RHBDL2: variants seen among roughly 807,000 people sequenced by gnomAD.
RHBDL2 encodes the protein rhomboid-related protein 2.
Under a neutral mutation model 31.7 loss-of-function variants are expected in RHBDL2, and 26 were observed. That is an observed-to-expected ratio of 0.82 (90% CI 0.60 to 1.14). RHBDL2 has a LOEUF of 1.14. RHBDL2 is among the 50% of genes most tolerant of loss of function. The pLI is 0.00. For missense variants in RHBDL2, 336 were observed against 364.4 expected, an observed-to-expected ratio of 0.92 and a Z score of 0.63; for synonymous variants, 123 against 127.2, an observed-to-expected ratio of 0.97 and a Z score of 0.22.
At chr1:38,940,030 A>G (rs1396756580) in intron 1 of RHBDL2, among the ~76,000 whole-genome samples, 1 of 152,146 alleles carries the variant, frequency 6.6e-6, no homozygotes, top group African/African-American at 2.4e-5. Context: ...AGCAAAAAGC[A>G]TGGAGTTTAG....
At chr1:38,934,974 T>C (rs1643479432) in intron 1 of RHBDL2, among the ~76,000 whole-genome samples, 1 of 151,722 alleles carries the variant, frequency 6.6e-6, no homozygotes. Flanking sequence ...AAAAAAAATT[T>C]TTTTAAAGAA....
At chr1:38,932,541 G>T (rs1228533127) in intron 1 of RHBDL2, among the ~76,000 whole-genome samples, 6 of 152,116 alleles carry the variant, frequency 3.9e-5, no homozygotes, top group Non-Finnish European at 7.4e-5. Flanking sequence ...CTCACTGTAA[G>T]CTCCACCTCC....
intron 1 of RHBDL2, among the ~76,000 whole-genome samples, chr1:38,928,697 C>G (rs1179212605): frequency 6.6e-6 from 1 of 152,250 alleles, no homozygotes; most frequent in African/African-American, 2.4e-5. Context: ...CCACCCGCCT[C>G]GGCATCCCAA....
At chr1:38,897,428 C>T (rs1350697164) in intron 4 of RHBDL2, among the ~76,000 whole-genome samples, 1 of 152,110 alleles carries the variant, frequency 6.6e-6, no homozygotes, top group African/African-American at 2.4e-5. Context: ...TAAGATTGGC[C>T]AGACACTGTG....
intron 1 of RHBDL2, among the ~76,000 whole-genome samples, chr1:38,928,173 G>A (rs1187585375): frequency 7.6e-6 from 1 of 131,730 alleles, no homozygotes; most frequent in Non-Finnish European, 1.5e-5. Context: ...ACGGAGTCTC[G>A]CTTTGTCGCC....
rs1050201367 is a variant in RHBDL2, at chr1:38,924,141, C to A, written c.-125-4804G>T. 2.0e-5 allele frequency among the ~76,000 whole-genome samples: 3 copies of A among 151,988 alleles called. No individual in the cohort carries two copies. The South Asian group carries it at 6.2e-4, about 32-fold the overall frequency. Reference sequence around the variant, plus strand: ...TATTATTATTTTGAAATGGTGGCCTCCCCATGTTGTCCAGGCTAGTCTCAA... The same window carrying A: ...TATTATTATTTTGAAATGGTGGCCTACCCATGTTGTCCAGGCTAGTCTCAA... On this transcript the variant is annotated intron_variant, in intron 1 of 7. Coordinates refer to ENST00000372990, the MANE Select transcript of RHBDL2 (RefSeq NM_017821.5).
Position 38,886,661 on chromosome 1 carries a change from G to T in RHBDL2, c.755C>A (p.Ala252Glu). 6.4e-7 allele frequency: 1 copy of T among 1,561,458 alleles called. No individual in the cohort carries two copies. Among genetic ancestry groups the T allele is most frequent in the South Asian group, 1.2e-5 (1 of 83,288 alleles). Residue 252 changes from alanine (A) to glutamate (E), a missense_variant, in exon 8 of 8, where the codon GCA becomes GAA. Coordinates refer to ENST00000372990, the MANE Select transcript of RHBDL2 (RefSeq NM_017821.5). ...AATGGACATTCCAGCAAATCCACCT[G>T]CAATGTGAGCTGCAAAAGACACCTT... ...GSPVSFAAHI[A>E]GGFAGMSIGY...
intron 6 of RHBDL2, among the ~76,000 whole-genome samples, chr1:38,889,500 C>A (rs180753585): frequency 6.6e-6 from 1 of 152,100 alleles, no homozygotes; most frequent in Non-Finnish European, 1.5e-5. Flanking sequence ...TTGTAGCAAT[C>A]GAAGTGAAGA....
At position 38,915,687 on chromosome 1, in the gene RHBDL2, A is replaced by G; in HGVS notation, c.270T>C (p.Ala90=). 1 of 1,614,124 alleles carries G rather than the reference A, an allele frequency of 6.2e-7. No individual in the cohort carries two copies. The change falls in exon 3 of 8, where the codon GCT becomes GCC. Residue 90 remains alanine, a synonymous_variant. Transcript: ENST00000372990. ...LAELAVFIYY[A]VWKPQKQWIT... is the part of the protein sequence containing the mutation. ...TCCACTGTTTCTGAGGCTTCCACAC[A>G]GCATAGTAAATAAACACTGCCAGCT...
At chr1:38,912,910 A>ATATATCTATATGTGTGTGTGTG (rs1399583863) in intron 3 of RHBDL2, among the ~76,000 whole-genome samples, 1 of 41,392 alleles carries the variant, frequency 2.4e-5, no homozygotes, top group African/African-American at 9.2e-5. Flanking sequence ...ATATATATAT[A>ATATATCTATATGTGTGTGTGTG]TGTGTGTGTG....
At chr1:38,939,658 A>C (rs1432280439) in intron 1 of RHBDL2, among the ~76,000 whole-genome samples, 1 of 152,060 alleles carries the variant, frequency 6.6e-6, no homozygotes, top group Admixed American at 6.6e-5. Flanking sequence ...ACCTCAAAAA[A>C]AAAACCAAGT....
At chr1:38,921,911 A>G (rs1290076914) in intron 1 of RHBDL2, among the ~76,000 whole-genome samples, 1 of 152,260 alleles carries the variant, frequency 6.6e-6, no homozygotes, top group Non-Finnish European at 1.5e-5. Context: ...TTCACATTGT[A>G]TAAATCAGCC....
In RHBDL2 at chr1:38,919,063, T is replaced by C; in HGVS notation, c.150A>G (p.Ser50=). Residue 50 remains serine (S), a synonymous_variant, in exon 2 of 8, where the codon TCA becomes TCG. Coordinates refer to ENST00000372990, the MANE Select transcript of RHBDL2 (RefSeq NM_017821.5). ...GGGACTTTTCGGGCAGCATCCATTT[T>C]GAGACAATCCTGTGGACCTTTTTAC... The part of the protein sequence containing the change: ...AKSKKVHRIV[S]KWMLPEKSRG... The C allele has an allele frequency of 6.2e-7, 1 of 1,614,198 alleles. No homozygotes were observed. The highest frequency in any genetic ancestry group is 1.1e-5 in the South Asian group (1 of 91,084).
intron 4 of RHBDL2, among the ~76,000 whole-genome samples, chr1:38,903,479 A>G (rs1643021603): frequency 6.6e-6 from 1 of 152,168 alleles, no homozygotes; most frequent in Non-Finnish European, 1.5e-5. Flanking sequence ...TTTCTAATAC[A>G]TCAAAAATAT....
chr1:38,889,234 C>T (rs576803409), intron 6 of RHBDL2, among the ~76,000 whole-genome samples: 5 of 152,230 alleles, frequency 3.3e-5, no homozygotes, highest in African/African-American at 1.2e-4. Flanking sequence ...GCTGGGATTA[C>T]AGACATGTGC....
At chr1:38,916,254 T>C (rs1203275698) in intron 2 of RHBDL2, among the ~76,000 whole-genome samples, 4 of 152,150 alleles carry the variant, frequency 2.6e-5, no homozygotes, top group Non-Finnish European at 5.9e-5. Context: ...TTCACCTCCG[T>C]GGTATTCTTC....
At chr1:38,927,604 C>T (rs1643392631) in intron 1 of RHBDL2, among the ~76,000 whole-genome samples, 1 of 152,146 alleles carries the variant, frequency 6.6e-6, no homozygotes, top group Non-Finnish European at 1.5e-5. Context: ...GTGTTTGACA[C>T]TATAAAGACC....
chr1:38,902,753 A>C (rs571086858), intron 4 of RHBDL2, among the ~76,000 whole-genome samples: 1 of 151,692 alleles, frequency 6.6e-6, no homozygotes. Flanking sequence ...GGGTTTAACC[A>C]TGTTGCCCAG....
chr1:38,924,542 C>G (rs372253997), intron 1 of RHBDL2, among the ~76,000 whole-genome samples: 1 of 151,628 alleles, frequency 6.6e-6, no homozygotes, highest in African/African-American at 2.4e-5. Flanking sequence ...TGCAGTGAGC[C>G]GAGATTGCGC....
Sources: gnomAD v4.1 joint callset for allele counts (sites outside exome capture counted in the v4.1 genomes callset) on GRCh38, gnomAD v4.1.1 for gene constraint, MANE v1.5 for transcripts, NCBI Gene and HGNC (gene_info 2026-07-23, HGNC 2026-07-21) for gene names.